Variants in RBFOX1 observed in about 807,000 individuals in gnomAD.
The protein encoded by RBFOX1 is RNA binding fox-1 homolog 1, also known as RNA binding protein fox-1 homolog 1.
RBFOX1 carries 8 observed loss-of-function variants against 57.7 expected under a neutral mutation model. The ratio of observed to expected loss-of-function variants is 0.14; its 90% CI spans 0.08 to 0.25. The LOEUF (loss-of-function observed/expected upper bound fraction) is 0.25. Among genes scored for constraint, RBFOX1 ranks in the 10% least tolerant of loss-of-function variants. The pLI is 1.00. For missense variants in RBFOX1, 611 were observed against 548.5 expected (o/e 1.11, Z -1.14); for synonymous variants, 326 against 222.4 (o/e 1.47, Z -4.15).
intron 2 of RBFOX1, among the ~76,000 whole-genome samples, chr16:6,550,742 C>G (rs2096975278): frequency 1.3e-5 from 2 of 152,174 alleles, no homozygotes; most frequent in South Asian, 4.1e-4. Flanking sequence ...ATACTTTGTA[C>G]CTACTTCAGT....
chr16:7,425,514 C>T (rs1316078684), intron 4 of RBFOX1, among the ~76,000 whole-genome samples: 1 of 152,144 alleles, frequency 6.6e-6, no homozygotes, highest in Non-Finnish European at 1.5e-5. Context: ...AATCATGTTT[C>T]GACTTTAAAT....
intron 1 of RBFOX1, among the ~76,000 whole-genome samples, chr16:5,306,087 G>C (rs1009595261): frequency 6.6e-6 from 1 of 152,002 alleles, no homozygotes; most frequent in East Asian, 1.9e-4. Flanking sequence ...GGGAGTCCCA[G>C]CTACTTGGGA....
intron 3 of RBFOX1, among the ~76,000 whole-genome samples, chr16:5,770,236 A>C (rs9927114): frequency 0.39 from 59,771 of 151,626 alleles, 12,104 homozygotes; most frequent in East Asian, 0.61. Flanking sequence ...CCCCGCTGAT[A>C]AAAATAGAAT....
intron 4 of RBFOX1, among the ~76,000 whole-genome samples, chr16:5,928,700 T>TA (rs760181311): frequency 0.013 from 1,393 of 105,802 alleles, 16 homozygotes; most frequent in Admixed American, 0.025. Flanking sequence ...TTCTGCCCAA[T>TA]AAAAAAAAAA....
intron 2 of RBFOX1, among the ~76,000 whole-genome samples, chr16:5,580,041 G>C (rs1325488552): frequency 1.3e-5 from 2 of 152,164 alleles, no homozygotes; most frequent in African/African-American, 4.8e-5. Flanking sequence ...AAAGTGCTGG[G>C]ATTACAGGTG....
intron 1 of RBFOX1, among the ~76,000 whole-genome samples, chr16:6,200,079 A>G (rs1007067982): frequency 2.0e-5 from 3 of 152,176 alleles, no homozygotes; most frequent in Non-Finnish European, 4.4e-5. Flanking sequence ...GGGTGCTGGC[A>G]GTAAGCTTCT....
chr16:5,271,544 C>G (rs2077995), intron 1 of RBFOX1, among the ~76,000 whole-genome samples: 1 of 151,928 alleles, frequency 6.6e-6, no homozygotes, highest in African/African-American at 2.4e-5. Flanking sequence ...GTCATGGCGA[C>G]GCAGGTTCAA....
intron 3 of RBFOX1, among the ~76,000 whole-genome samples, chr16:5,803,041 C>T (rs1276096736): frequency 1.3e-5 from 2 of 152,116 alleles, no homozygotes; most frequent in South Asian, 2.1e-4. Context: ...ATAATTTGAT[C>T]CTGGAAGAAT....
At chr16:6,701,125 C>G (rs1055688170) in intron 3 of RBFOX1, among the ~76,000 whole-genome samples, 1 of 137,932 alleles carries the variant, frequency 7.2e-6, no homozygotes, top group Non-Finnish European at 1.6e-5. Flanking sequence ...ATCAGTGTCT[C>G]TGTGTGTGTA....
intron 3 of RBFOX1, among the ~76,000 whole-genome samples, chr16:6,993,758 A>C (rs1207048760): frequency 2.6e-5 from 4 of 152,128 alleles, no homozygotes; most frequent in Non-Finnish European, 5.9e-5. Flanking sequence ...GGCATGGGGC[A>C]GGGGAGATCA....
intron 4 of RBFOX1, among the ~76,000 whole-genome samples, chr16:5,980,874 C>G (rs2060158520): frequency 6.6e-6 from 1 of 152,184 alleles, no homozygotes; most frequent in Non-Finnish European, 1.5e-5. Context: ...TGCCATTTCA[C>G]ATGGTTTTGT....
At chr16:6,052,804 TATAATAATA>T (rs200513769) in intron 1 of RBFOX1, among the ~76,000 whole-genome samples, 119 of 144,220 alleles carry the variant, frequency 8.3e-4, no homozygotes, top group East Asian at 2.8e-3. Context: ...TAAAATAAAA[TATAATAATA>T]ATAATAATAA....
intron 2 of RBFOX1, among the ~76,000 whole-genome samples, chr16:6,524,936 A>G (rs1168619402): frequency 6.6e-6 from 1 of 152,064 alleles, no homozygotes; most frequent in Non-Finnish European, 1.5e-5. Flanking sequence ...ATCTTAACTA[A>G]TTATATCGGC....
intron 2 of RBFOX1, among the ~76,000 whole-genome samples, chr16:6,430,717 A>G (rs902998727): frequency 1.3e-5 from 2 of 152,140 alleles, no homozygotes; most frequent in Non-Finnish European, 2.9e-5. Context: ...ACCTGGCAAG[A>G]GGTAGACAAC....
chr16:5,816,032 G>A (rs999384371), intron 3 of RBFOX1, among the ~76,000 whole-genome samples: 2 of 152,222 alleles, frequency 1.3e-5, no homozygotes, highest in African/African-American at 4.8e-5. Context: ...CCCAGTAAAA[G>A]GACAGCAGCT....
chr16:5,850,673 G>A (rs537261234), intron 3 of RBFOX1, among the ~76,000 whole-genome samples: 2 of 152,334 alleles, frequency 1.3e-5, no homozygotes, highest in East Asian at 1.9e-4. Context: ...GTGAACAGAT[G>A]AGGAAACTGA....
At chr16:5,923,353 G>C (rs2058868151) in intron 4 of RBFOX1, among the ~76,000 whole-genome samples, 3 of 152,036 alleles carry the variant, frequency 2.0e-5, no homozygotes. Flanking sequence ...GCTGGAAGGG[G>C]CCTCACTGAG....
intron 1 of RBFOX1, among the ~76,000 whole-genome samples, chr16:6,072,508 AT>A (rs569198006): frequency 8.6e-5 from 13 of 151,550 alleles, no homozygotes; most frequent in East Asian, 3.9e-4. Context: ...ACATTTTTAA[AT>A]TTTTTTTTGA....
chr16:5,461,764 C>A (rs2068794658), intron 1 of RBFOX1, among the ~76,000 whole-genome samples: 1 of 152,172 alleles, frequency 6.6e-6, no homozygotes, highest in African/African-American at 2.4e-5. Context: ...ATGGATGGCC[C>A]TGTGTCTGTT....
Sources: gnomAD v4.1 joint callset for allele counts (sites outside exome capture counted in the v4.1 genomes callset) on GRCh38, gnomAD v4.1.1 for gene constraint, MANE v1.5 for transcripts, NCBI Gene and HGNC (gene_info 2026-07-23, HGNC 2026-07-21) for gene names.